CNKSR2: variants seen among roughly 807,000 people sequenced by gnomAD.
CNKSR2 encodes the protein connector enhancer of kinase suppressor of Ras 2.
In CNKSR2, 14 loss-of-function variants were observed where a neutral mutation model predicts 84.4. That is an observed-to-expected ratio of 0.17 (90% confidence interval 0.11 to 0.26). The LOEUF (loss-of-function observed/expected upper bound fraction) is 0.26. Among genes scored for constraint, CNKSR2 ranks in the 10% least tolerant of loss-of-function variants. CNKSR2 has a pLI of 1.00. For synonymous variants in CNKSR2, 275 were observed against 277.9 expected (o/e 0.99, Z 0.10); for missense variants, 485 against 771.2 (o/e 0.63, Z 4.40).
At position 21,591,194 on chromosome X, in the gene CNKSR2, G is replaced by T; in HGVS notation, c.1830G>T (p.Glu610Asp). ...DASLYWYINEEDEKAEGFISL... is the reference protein window; with the variant it reads ...DASLYWYINEDDEKAEGFISL... ...CCCTTTATTGGTATATTAATGAGGA[G>T]GTAAGATAAAGCACCTTTTGTTTTC... The change falls in exon 15 of 22, where the codon GAG (glutamate) becomes GAT (aspartate). Residue 610 changes from glutamate to aspartate, a missense_variant and splice_region_variant. Physicochemically the swap from Glu to Asp is conservative, Grantham distance 45. Transcript: ENST00000379510. 1 of 1,160,244 alleles carries T rather than the reference G, an allele frequency of 8.6e-7. No individual in the cohort carries two copies. The highest frequency in any genetic ancestry group is 1.2e-6 in the Non-Finnish European group (1 of 862,906).
In CNKSR2 at chrX:21,514,724, A is replaced by G. The variant is rs187853499; in HGVS notation, c.811-1761A>G. 9.6e-4 allele frequency among the ~76,000 whole-genome samples: 107 copies of G among 111,831 alleles called. No homozygotes were observed. In the Middle Eastern group the frequency reaches 0.014, roughly 15 times the overall value. The stretch of plus-strand genomic sequence containing the variant: ...ATCACATTGACCACTTTAGTTAGCA[A>G]TTATTTGAGTGAATAATTAAGTTAC... On this transcript the variant is annotated intron_variant, in intron 8 of 21. Coordinates refer to ENST00000379510, the MANE Select transcript of CNKSR2 (RefSeq NM_014927.5).
intron 1 of CNKSR2, among the ~76,000 whole-genome samples, chrX:21,386,733 G>T (rs1290100709): frequency 9.0e-6 from 1 of 111,325 alleles, no homozygotes; most frequent in African/African-American, 3.3e-5. Flanking sequence ...AACTTAAATT[G>T]TTCTTTACTT....
chrX:21,588,253 G>A (rs1297701465), intron 13 of CNKSR2, among the ~76,000 whole-genome samples: 1 of 111,797 alleles, frequency 8.9e-6, no homozygotes, highest in Non-Finnish European at 1.9e-5. Context: ...TCAGTATAGG[G>A]AACTGTTTAC....
At chrX:21,605,751 C>T (rs776825786) in intron 18 of CNKSR2, among the ~76,000 whole-genome samples, 1 of 111,958 alleles carries the variant, frequency 8.9e-6, no homozygotes, top group East Asian at 2.8e-4. Flanking sequence ...TATGGGAATT[C>T]GTGGGTGGAG....
At chrX:21,384,840 A>G (rs2089946562) in intron 1 of CNKSR2, among the ~76,000 whole-genome samples, 1 of 111,766 alleles carries the variant, frequency 8.9e-6, no homozygotes, top group South Asian at 3.7e-4. Context: ...CTTCTCATTC[A>G]CCCAAATTGG....
At chrX:21,633,708 T>C (rs1194466128) in intron 20 of CNKSR2, among the ~76,000 whole-genome samples, 2 of 112,407 alleles carry the variant, frequency 1.8e-5, no homozygotes, top group Non-Finnish European at 3.8e-5. Flanking sequence ...GGCTATAAAG[T>C]CATTTGTATT....
intron 1 of CNKSR2, among the ~76,000 whole-genome samples, chrX:21,387,087 A>G (rs1212925278): frequency 8.9e-6 from 1 of 112,380 alleles, no homozygotes. Flanking sequence ...ATCTGATTTA[A>G]TGTTTAAAGG....
chrX:21,637,448 T>C (rs778900251), intron 20 of CNKSR2: 56 of 112,202 alleles, frequency 5.0e-4, no homozygotes, highest in African/African-American at 1.8e-3. Context: ...TATCTATCAC[T>C]AGTTACCACT....
chrX:21,586,753 A>G (rs961194848), intron 13 of CNKSR2, among the ~76,000 whole-genome samples: 1 of 111,790 alleles, frequency 8.9e-6, no homozygotes, highest in Middle Eastern at 4.6e-3. Context: ...TGTAAAATAT[A>G]TGAAATAAAC....
intron 3 of CNKSR2, among the ~76,000 whole-genome samples, chrX:21,433,936 T>G (rs1402955259): frequency 9.0e-6 from 1 of 111,192 alleles, no homozygotes; most frequent in Non-Finnish European, 1.9e-5. Context: ...TATAACATTA[T>G]TAAAATTTAA....
chrX:21,566,520 TTGGATAACA>T (rs1275528675), intron 13 of CNKSR2, among the ~76,000 whole-genome samples: 1 of 111,648 alleles, frequency 9.0e-6, no homozygotes, highest in Non-Finnish European at 1.9e-5. Flanking sequence ...AATTACTCCT[TTGGATAACA>T]TGGCCATGTT....
intron 1 of CNKSR2, among the ~76,000 whole-genome samples, chrX:21,378,856 C>G (rs1314451569): frequency 9.0e-6 from 1 of 111,188 alleles, no homozygotes; most frequent in Non-Finnish European, 1.9e-5. Context: ...TGATTTAGCT[C>G]CAGCCACTTT....
In CNKSR2 at chrX:21,481,922, C is replaced by T. The variant is rs763103317; in HGVS notation, c.562-8537C>T. On this transcript the variant is annotated intron_variant, in intron 5 of 21. Transcript: ENST00000379510. ...AATGAACTTGAAAGCAGATTCTTCC[C>T]TACTTACACCTCCCTGTAGGAATAC... Among the ~76,000 whole-genome samples, 11 of 111,553 alleles carry T rather than the reference C, an allele frequency of 9.9e-5. 1 individual carries two copies. The South Asian group carries it at 4.2e-3, about 43-fold the overall frequency.
chrX:21,413,662 C>CT (rs1241124035), intron 1 of CNKSR2, among the ~76,000 whole-genome samples: 1 of 110,779 alleles, frequency 9.0e-6, no homozygotes, highest in African/African-American at 3.3e-5. Context: ...TCCTTCTACT[C>CT]TGTTTAATTT....
intron 3 of CNKSR2, among the ~76,000 whole-genome samples, chrX:21,435,546 G>A (rs761238820): frequency 9.0e-6 from 1 of 111,481 alleles, no homozygotes; most frequent in East Asian, 2.8e-4. Context: ...ATTGATTTCA[G>A]TGAAACACCA....
chrX:21,644,539 G>A (rs2092701167), intron 20 of CNKSR2: 1 of 111,946 alleles, frequency 8.9e-6, no homozygotes, highest in Admixed American at 9.5e-5. Flanking sequence ...ACAGTCACCT[G>A]TTAGGGAACC....
intron 13 of CNKSR2, among the ~76,000 whole-genome samples, chrX:21,575,017 C>T (rs190943732): frequency 2.7e-3 from 295 of 111,245 alleles, no homozygotes; most frequent in African/African-American, 9.3e-3. Flanking sequence ...CCATACCCAA[C>T]AGTACTTACA....
At chrX:21,504,137 G>T (rs759092608) in intron 8 of CNKSR2, 6 of 110,588 alleles carry the variant, frequency 5.4e-5, no homozygotes, top group Non-Finnish European at 1.1e-4. Flanking sequence ...TCTTTTTCTT[G>T]CTGTTGCCTG....
chrX:21,382,411 A>G (rs979248103), intron 1 of CNKSR2, among the ~76,000 whole-genome samples: 7 of 111,732 alleles, frequency 6.3e-5, no homozygotes, highest in Admixed American at 4.7e-4. Flanking sequence ...TGATAAGCAA[A>G]TACTTATTAA....
Sources: allele counts gnomAD v4.1 joint callset (sites outside exome capture counted in the v4.1 genomes callset), GRCh38; gene constraint gnomAD v4.1.1; transcripts MANE v1.5; gene names NCBI Gene and HGNC (gene_info 2026-07-23, HGNC 2026-07-21).